The following TMBIM4 variants were observed in gnomAD, a reference collection of about 807,000 sequenced individuals.
TMBIM4 encodes the protein protein lifeguard 4.
A neutral mutation model predicts 27.7 loss-of-function variants in TMBIM4; 28 were observed. The ratio of observed to expected loss-of-function variants is 1.01; its 90% CI spans 0.75 to 1.38. TMBIM4 has a LOEUF of 1.38. Among genes scored for constraint, TMBIM4 ranks in the 40% most tolerant of loss-of-function variants. The pLI, the probability that TMBIM4 is intolerant of heterozygous loss-of-function variation, is 0.00. For synonymous variants in TMBIM4, 115 were observed against 113.1 expected (o/e 1.02, Z -0.11); for missense variants, 265 against 277.5 (o/e 0.95, Z 0.32).
At chr12:66,156,650 G>A (rs1164059555) in intron 1 of TMBIM4, among the ~76,000 whole-genome samples, 1 of 152,148 alleles carries the variant, frequency 6.6e-6, no homozygotes, top group African/African-American at 2.4e-5. Context: ...AAAATAAAAT[G>A]TGAAAGATTT....
At position 66,137,763 on chromosome 12, in the gene TMBIM4, G is replaced by A. The variant is rs2136839986; in HGVS notation, c.*197C>T. On this transcript the variant is annotated 3_prime_UTR_variant, in exon 7 of 7. Coordinates refer to ENST00000358230, the MANE Select transcript of TMBIM4 (RefSeq NM_016056.4). ...CCTAAATCAAGGATTTAGAAATGAG[G>A]TATCATAAAGAATAGTAAGATTTTA... 1 of 532,848 alleles carries A rather than the reference G, an allele frequency of 1.9e-6. No homozygotes were observed. 33.0% of individuals were successfully genotyped at this position (532,848 alleles called of 1,614,324 possible).
chr12:66,137,400 T>C lies in TMBIM4; in HGVS notation c.*560A>G, dbSNP rs1242039470. The stretch of plus-strand genomic sequence containing the variant: ...GCGTGGCTAATTTAGGAAGAAAAAT[T>C]TTTTTTTTTTTTTTGAGACTGAGTC... On this transcript the variant is annotated 3_prime_UTR_variant, in exon 7 of 7. Coordinates refer to ENST00000358230, the MANE Select transcript of TMBIM4 (RefSeq NM_016056.4). 6.8e-6 allele frequency: 1 copy of C among 147,188 alleles called. No individual in the cohort carries two copies. Among genetic ancestry groups the C allele is most frequent in the African/African-American group, 2.5e-5 (1 of 40,698 alleles). The allele number at this position is 147,188 out of a possible 1,614,324, so 9.1% of individuals were successfully genotyped here. A position where few individuals can be genotyped will look rare whatever the true frequency, so the allele number is the denominator to read the frequency against.
chr12:66,151,064 C>T (rs2051837247), intron 3 of TMBIM4, among the ~76,000 whole-genome samples: 1 of 152,154 alleles, frequency 6.6e-6, no homozygotes, highest in South Asian at 2.1e-4. Flanking sequence ...GACAATCTTG[C>T]AAACAAAAGA....
chr12:66,160,106 CA>C, intron 1 of TMBIM4: 1 of 672,882 alleles, frequency 1.5e-6, no homozygotes, highest in Non-Finnish European at 2.7e-6. Context: ...TGCACAATGG[CA>C]GAGTTGAGGA....
At chr12:66,138,320 A>G (rs4296075) in intron 6 of TMBIM4, 154 bp from the exon 7 acceptor site, 415,516 of 983,266 alleles carry the variant, frequency 0.42, 89,851 homozygotes, top group East Asian at 0.85. Context: ...AGGCAAGGCA[A>G]GTCCAAACTT....
chr12:66,136,137 CTTAGT>C lies in TMBIM4; in HGVS notation c.*1818_*1822del, dbSNP rs1312103239. The stretch of plus-strand genomic sequence containing the variant: ...ACCATCAGCTGACATTAATTAAGCA[CTTAGT>C]TTAGTTTATTTATCTATCTCATTTA... On this transcript the variant is annotated 3_prime_UTR_variant, in exon 7 of 7. Transcript: ENST00000358230. 4 of 146,096 alleles carry C rather than the reference CTTAGT, an allele frequency of 2.7e-5. No homozygotes were observed. Among genetic ancestry groups the C allele is most frequent in the East Asian group, 2.0e-4 (1 of 5,116 alleles). The allele number at this position is 146,096 out of a possible 1,614,324, so 9.0% of individuals were successfully genotyped here. A position where few individuals can be genotyped will look rare whatever the true frequency, so the allele number is the denominator to read the frequency against.
At chr12:66,143,579 T>G (rs893105821) in intron 5 of TMBIM4, among the ~76,000 whole-genome samples, 1 of 152,142 alleles carries the variant, frequency 6.6e-6, no homozygotes, top group Non-Finnish European at 1.5e-5. Context: ...AGTTATCATA[T>G]GTAGTTCTGA....
At position 66,143,549 on chromosome 12, in the gene TMBIM4, C is replaced by T. The variant is rs112075743; in HGVS notation, c.464+2292G>A. Among the ~76,000 whole-genome samples, 908 of 152,260 alleles carry T rather than the reference C, an allele frequency of 6.0e-3. 11 individuals are homozygous for T. The highest frequency in any genetic ancestry group is 0.02 in the African/African-American group (848 of 41,528). On this transcript the variant is annotated intron_variant, in intron 5 of 6. Transcript: ENST00000358230. The stretch of plus-strand genomic sequence containing the variant: ...AAGCTGGCACAAGGCAACTCTAGCA[C>T]ACCAATGACCAGTTGCCACAGTTAT...
chr12:66,145,433 T>C (rs1246521699), intron 5 of TMBIM4: 1 of 154,982 alleles, frequency 6.5e-6, no homozygotes, highest in Non-Finnish European at 1.4e-5. Context: ...GATCAAAAGG[T>C]CTTAAAGTTC....
intron 4 of TMBIM4, 150 bp from the exon 5 acceptor site, chr12:66,146,108 A>G: frequency 1.9e-6 from 1 of 531,938 alleles, no homozygotes; most frequent in Non-Finnish European, 3.4e-6. Context: ...CCTTGACTAC[A>G]TGGGTACAGT....
At chr12:66,158,241 A>C (rs1219129746) in intron 1 of TMBIM4, among the ~76,000 whole-genome samples, 1 of 150,944 alleles carries the variant, frequency 6.6e-6, no homozygotes, top group Non-Finnish European at 1.5e-5. Context: ...AAAAAAAAAA[A>C]CAAAAAAATG....
chr12:66,166,494 AAAGAAAAAGGAAG>A (rs1283987032), intron 1 of TMBIM4, among the ~76,000 whole-genome samples: 1 of 151,852 alleles, frequency 6.6e-6, no homozygotes, highest in Non-Finnish European at 1.5e-5. Flanking sequence ...AGAAAAAGAA[AAAGAAAAAGGAAG>A]AAGAAACACA....
At chr12:66,153,542 C>T (rs2904498) in intron 1 of TMBIM4, 94 bp from the exon 2 acceptor site, 57,590 of 621,532 alleles carry the variant, frequency 0.093, 6,154 homozygotes, top group East Asian at 0.53. Context: ...GTTTTTTACA[C>T]GTATTCTTTC....
At chr12:66,150,935 T>A (rs1244804947) in intron 3 of TMBIM4, among the ~76,000 whole-genome samples, 1 of 152,214 alleles carries the variant, frequency 6.6e-6, no homozygotes, top group East Asian at 1.9e-4. Context: ...GATATCATCA[T>A]TTCTGGAATC....
intron 1 of TMBIM4, among the ~76,000 whole-genome samples, chr12:66,166,839 C>A (rs1048063536): frequency 6.6e-6 from 1 of 152,166 alleles, no homozygotes; most frequent in African/African-American, 2.4e-5. Flanking sequence ...CAAAAACCTG[C>A]ACATGGATGT....
intron 3 of TMBIM4, among the ~76,000 whole-genome samples, chr12:66,149,157 T>C (rs2051800213): frequency 6.6e-6 from 1 of 152,110 alleles, no homozygotes; most frequent in Non-Finnish European, 1.5e-5. Context: ...AATTTTTTTC[T>C]GGGCTGGGCA....
intron 3 of TMBIM4, among the ~76,000 whole-genome samples, chr12:66,150,105 T>G (rs1226773502): frequency 6.6e-6 from 1 of 152,246 alleles, no homozygotes; most frequent in Non-Finnish European, 1.5e-5. Context: ...GTTGATACTT[T>G]TCTAGTGGGA....
chr12:66,158,441 C>A (rs987828339), intron 1 of TMBIM4, among the ~76,000 whole-genome samples: 1 of 151,892 alleles, frequency 6.6e-6, no homozygotes. Flanking sequence ...GAGATCAAGA[C>A]CATCCTGGCC....
chr12:66,142,657 C>T (rs1044724031), intron 5 of TMBIM4, among the ~76,000 whole-genome samples: 3 of 151,506 alleles, frequency 2.0e-5, no homozygotes, highest in East Asian at 1.9e-4. Flanking sequence ...TCTGCTCTAG[C>T]GAGCACTATT....
Sources: allele counts gnomAD v4.1 joint callset (sites outside exome capture counted in the v4.1 genomes callset), GRCh38; gene constraint gnomAD v4.1.1; transcripts MANE v1.5; gene names NCBI Gene and HGNC (gene_info 2026-07-23, HGNC 2026-07-21).